The following ECT2L variants were observed in gnomAD, a reference collection of about 807,000 sequenced individuals.
The protein encoded by ECT2L is epithelial cell transforming 2 like, also known as epithelial cell-transforming sequence 2 oncogene-like.
In ECT2L, 126 loss-of-function variants were observed where a neutral mutation model predicts 122.8. The ratio of observed to expected loss-of-function variants is 1.03; its 90% CI spans 0.89 to 1.19. ECT2L has a LOEUF of 1.19. Ranked by LOEUF, ECT2L falls within the 50% of genes most tolerant of loss-of-function variation. The probability of loss-of-function intolerance (pLI) is 0.00; values close to 1 mark genes in which losing one functional copy is unlikely to be tolerated. For synonymous variants in ECT2L, 385 were observed against 381.8 expected, an observed-to-expected ratio of 1.01 and a Z score of -0.10; for missense variants, 1,012 against 1,064.1, an observed-to-expected ratio of 0.95 and a Z score of 0.68.
At chr6:138,854,252 A>T in intron 10 of ECT2L, 98 bp downstream of exon 10, 1 of 1,354,410 alleles carries the variant, frequency 7.4e-7, no homozygotes, top group Non-Finnish European at 9.9e-7. Context: ...TGATTCAGTC[A>T]CATTTCACGC....
chr6:138,821,433 A>G (rs1776264898), intron 4 of ECT2L, among the ~76,000 whole-genome samples: 1 of 151,278 alleles, frequency 6.6e-6, no homozygotes, highest in South Asian at 2.1e-4. Flanking sequence ...ATTCCCTCAG[A>G]TGTGTCCAGA....
intron 18 of ECT2L, 127 bp downstream of exon 18, chr6:138,885,957 T>A: frequency 1.1e-6 from 1 of 895,018 alleles, no homozygotes; most frequent in Non-Finnish European, 1.7e-6. Flanking sequence ...TTCATCCTTT[T>A]AATGCTAAAT....
At chr6:138,803,025 G>A (rs1434832999) in intron 1 of ECT2L, among the ~76,000 whole-genome samples, 4 of 151,570 alleles carry the variant, frequency 2.6e-5, no homozygotes, top group African/African-American at 7.3e-5. Flanking sequence ...GCAGTGAGCC[G>A]AGATTGCACC....
intron 10 of ECT2L, among the ~76,000 whole-genome samples, chr6:138,856,897 G>A (rs1404447035): frequency 6.6e-6 from 1 of 152,092 alleles, no homozygotes; most frequent in Non-Finnish European, 1.5e-5. Flanking sequence ...CTTCTCTTTA[G>A]ACAATCTTTC....
intron 16 of ECT2L, among the ~76,000 whole-genome samples, chr6:138,884,573 G>T (rs1047880151): frequency 3.9e-5 from 6 of 152,072 alleles, no homozygotes; most frequent in Admixed American, 6.5e-5. Context: ...GGGAGGCAGA[G>T]GTTGCAGTGA....
intron 4 of ECT2L, among the ~76,000 whole-genome samples, chr6:138,837,141 TTATA>T (rs1776868999): frequency 6.6e-6 from 1 of 152,200 alleles, no homozygotes; most frequent in Non-Finnish European, 1.5e-5. Context: ...TATCATTCAT[TTATA>T]TACATATTTT....
At chr6:138,838,640 C>A in intron 5 of ECT2L, 126 bp downstream of exon 5, 1 of 892,606 alleles carries the variant, frequency 1.1e-6, no homozygotes. Flanking sequence ...TTAACTTACC[C>A]TTGAGAGAAA....
At chr6:138,861,347 A>C (rs1399381285) in intron 10 of ECT2L, among the ~76,000 whole-genome samples, 1 of 152,200 alleles carries the variant, frequency 6.6e-6, no homozygotes, top group African/African-American at 2.4e-5. Flanking sequence ...TCCCACCAAC[A>C]ATGGAAAAGT....
chr6:138,882,535 C>CCTA (rs2128407751), intron 15 of ECT2L, among the ~76,000 whole-genome samples, 189 bp from the exon 16 acceptor site: 1 of 152,328 alleles, frequency 6.6e-6, no homozygotes, highest in African/African-American at 2.4e-5. Flanking sequence ...CCCCGGCCAA[C>CCTA]CTACTCCTTC....
In ECT2L at chr6:138,886,484, T is replaced by G. The variant is rs1182904956; in HGVS notation, c.2260-373T>G. On this transcript the variant is annotated intron_variant, in intron 18 of 21. Transcript: ENST00000541398. The stretch of plus-strand genomic sequence containing the variant: ...GTGTAGTGGTGTGATCTCGGCTCAC[T>G]GCAACCTCTGCCTCCCTGATTCAAG... Among the ~76,000 whole-genome samples, 3 of 150,932 alleles carry G rather than the reference T, an allele frequency of 2.0e-5. No homozygotes were observed. In the East Asian group the frequency reaches 5.8e-4, roughly 29 times the overall value.
At chr6:138,854,479 T>C (rs1402057747) in intron 10 of ECT2L, among the ~76,000 whole-genome samples, 1 of 152,152 alleles carries the variant, frequency 6.6e-6, no homozygotes, top group Non-Finnish European at 1.5e-5. Context: ...AATCATTCAA[T>C]CCGAGAAAAC....
In ECT2L at chr6:138,827,838, A is replaced by G. The variant is rs187291178; in HGVS notation, c.180-10514A>G. Among the ~76,000 whole-genome samples the G allele has an allele frequency of 2.0e-3, 308 of 152,342 alleles. 1 individual carries two copies. Among genetic ancestry groups the G allele is most frequent in the African/African-American group, 6.9e-3 (285 of 41,576 alleles). ...TTCCCAAAGTGCTAGGATTACAGGC[A>G]TAAGACACCACGCCCAGCCCCCTGG... is the stretch of plus-strand genomic sequence containing the variant. On this transcript the variant is annotated intron_variant, in intron 4 of 21. Coordinates refer to ENST00000541398, the MANE Select transcript of ECT2L (RefSeq NM_001077706.3).
intron 12 of ECT2L, 104 bp from the exon 13 acceptor site, chr6:138,867,999 C>CTAAAAAAA (rs1554276268): frequency 3.2e-6 from 1 of 311,828 alleles, no homozygotes. Context: ...GATTCTGTCT[C>CTAAAAAAA]AAAAAAAAAA....
chr6:138,832,957 G>A (rs1170619052), intron 4 of ECT2L, among the ~76,000 whole-genome samples: 1 of 151,990 alleles, frequency 6.6e-6, no homozygotes, highest in African/African-American at 2.4e-5. Flanking sequence ...TGCATGGGTT[G>A]GGGGGCCTCA....
intron 14 of ECT2L, among the ~76,000 whole-genome samples, chr6:138,877,954 A>C (rs1481527959): frequency 6.6e-6 from 1 of 152,082 alleles, no homozygotes. Context: ...TGTGTTTATA[A>C]TATTTCAAAT....
chr6:138,842,422 C>T (rs971913219), intron 5 of ECT2L, among the ~76,000 whole-genome samples: 45 of 151,698 alleles, frequency 3.0e-4, no homozygotes, highest in African/African-American at 1.0e-3. Flanking sequence ...GATCGCGCCA[C>T]TGCACTCCAG....
Position 138,902,708 on chromosome 6 carries a change from G to C in ECT2L, c.*81G>C. 1 of 1,504,420 alleles carries C rather than the reference G, an allele frequency of 6.6e-7. No homozygotes were observed. Among genetic ancestry groups the C allele is most frequent in the Non-Finnish European group, 9.1e-7 (1 of 1,093,004 alleles). 93.2% of individuals were successfully genotyped at this position (1,504,420 alleles called of 1,614,324 possible). A position where few individuals can be genotyped will look rare whatever the true frequency, so the allele number is the denominator to read the frequency against. ...TGTATTTTCTGTTCCAAAATATCCA[G>C]TAAGAAACAGAATAACTGTCATGGA... is the stretch of plus-strand genomic sequence containing the variant. On this transcript the variant is annotated 3_prime_UTR_variant, in exon 22 of 22. Coordinates refer to ENST00000541398, the MANE Select transcript of ECT2L (RefSeq NM_001077706.3).
intron 19 of ECT2L, among the ~76,000 whole-genome samples, chr6:138,888,635 A>G (rs903980023): frequency 2.6e-5 from 4 of 151,922 alleles, no homozygotes; most frequent in African/African-American, 7.3e-5. Flanking sequence ...CTTAATAGCT[A>G]CCTTCTTATC....
intron 14 of ECT2L, 80 bp from the exon 15 acceptor site, chr6:138,880,877 G>T (rs1157050): frequency 2.1e-5 from 26 of 1,242,690 alleles, no homozygotes; most frequent in Admixed American, 9.6e-5. Context: ...ACCAGCAAGG[G>T]GGGTCTCCGT....
Sources: allele counts gnomAD v4.1 joint callset (sites outside exome capture counted in the v4.1 genomes callset), GRCh38; gene constraint gnomAD v4.1.1; transcripts MANE v1.5; gene names NCBI Gene and HGNC (gene_info 2026-07-23, HGNC 2026-07-21).